DEF6: variants seen among roughly 807,000 people sequenced by gnomAD.
DEF6 encodes the protein DEF6 guanine nucleotide exchange factor.
Under a neutral mutation model 80.5 loss-of-function variants are expected in DEF6, and 32 were observed. The ratio of observed to expected loss-of-function variants is 0.40; its 90% CI spans 0.30 to 0.53. The LOEUF (loss-of-function observed/expected upper bound fraction) is 0.53, where lower values mean the gene tolerates loss of function less well. Ranked by LOEUF, DEF6 falls within the 20% of genes least tolerant of loss-of-function variation. DEF6 has a pLI of 0.57. For synonymous variants in DEF6, 300 were observed against 337.9 expected (o/e 0.89, Z 1.23); for missense variants, 575 against 818.7 (o/e 0.70, Z 3.63).
At chr6:35,308,263 G>A (rs2150386314) in intron 1 of DEF6, among the ~76,000 whole-genome samples, 1 of 152,168 alleles carries the variant, frequency 6.6e-6, no homozygotes. Flanking sequence ...GGGTGTAGTG[G>A]CTCATGCCTG....
chr6:35,310,901 A>T (rs747503910), intron 3 of DEF6, among the ~76,000 whole-genome samples: 2 of 152,196 alleles, frequency 1.3e-5, no homozygotes, highest in Non-Finnish European at 2.9e-5. Flanking sequence ...TAGGAAAATG[A>T]TCTGCAAATT....
intron 2 of DEF6, 103 bp downstream of exon 2, chr6:35,309,913 ACTC>A: frequency 3.6e-6 from 5 of 1,377,730 alleles, no homozygotes; most frequent in Non-Finnish European, 5.0e-6. Context: ...CCTGCCATAA[ACTC>A]CTACTTCTGC....
In DEF6 at chr6:35,310,551, C is replaced by T. The variant is rs1791454790; in HGVS notation, c.330C>T (p.Asn110=). The T allele has an allele frequency of 6.2e-7, 1 of 1,614,082 alleles. No individual in the cohort carries two copies. The highest frequency in any genetic ancestry group is 1.7e-5 in the Admixed American group (1 of 59,998). Reference sequence around the variant, plus strand: ...ACTATCGGGCAGATAGCAACGGGAACAGTATGCTCTCCAATCAGGATGCCT... The same window carrying T: ...ACTATCGGGCAGATAGCAACGGGAATAGTATGCTCTCCAATCAGGATGCCT... ...KKNYRADSNG[N]SMLSNQDAFR... The change falls in exon 3 of 11, where the codon AAC becomes AAT. Residue 110 remains asparagine, a synonymous_variant. Transcript: ENST00000316637.
Position 35,312,615 on chromosome 6 carries a change from C to T in DEF6, c.661-11C>T, listed in dbSNP as rs755415003. 1.9e-6 allele frequency: 3 copies of T among 1,614,208 alleles called. No individual in the cohort carries two copies. Among genetic ancestry groups the T allele is most frequent in the Admixed American group, 3.3e-5 (2 of 60,026 alleles). ...GGCCTGGGAAGCCTCTGACGTAACTCCGGCTGGCAGGGCTACCTGTGGAAG... is the reference window on the plus strand; with the variant it reads ...GGCCTGGGAAGCCTCTGACGTAACTTCGGCTGGCAGGGCTACCTGTGGAAG... On this transcript the variant is annotated splice_polypyrimidine_tract_variant and intron_variant, in intron 4 of 10. Transcript: ENST00000316637. This position sits in a 1 kb window ranked among gnomAD's most constrained non-coding sequence, Gnocchi z 6.6.
rs1791557671 is a variant in DEF6 at position 35,319,173 on chromosome 6, TTATTA to T, written c.1216-347_1216-343del. Among the ~76,000 whole-genome samples the T allele has an allele frequency of 6.6e-6, 1 of 151,842 alleles. No individual in the cohort carries two copies. The highest frequency in any genetic ancestry group is 1.5e-5 in the Non-Finnish European group (1 of 68,002). ...TAGCATCAGCCATGATTATAACATA[TTATTA>T]TATATTATAATAATTATTAAGTTAG... On this transcript the variant is annotated intron_variant, in intron 7 of 10. Transcript: ENST00000316637. The surrounding 1 kb of genome is among the most constrained non-coding windows in gnomAD (Gnocchi z 4.5).
rs149097143 is a variant in DEF6, at chr6:35,316,196, G to T, written c.808-1695G>T. On this transcript the variant is annotated intron_variant, in intron 5 of 10. Transcript: ENST00000316637. ...TTTTTTTTTTTTAAGAGAGAGACAG[G>T]ATCTCACTGTATTGCCCAGGCTGGT... 375 of 151,322 alleles carry T rather than the reference G, an allele frequency of 2.5e-3. 11 individuals are homozygous for T. The East Asian group carries it at 0.052, about 21-fold the overall frequency. The allele number at this position is 151,322 out of a possible 1,614,324, so 9.4% of individuals were successfully genotyped here.
rs1384806742 is a variant in DEF6, at chr6:35,312,932, G to A, written c.807+160G>A. Reference sequence around the variant, plus strand: ...ACCCAAATATATCCGGATGCCTCAAGGCCATTCTCATCCACGTCAGCACTT... The same window carrying A: ...ACCCAAATATATCCGGATGCCTCAAAGCCATTCTCATCCACGTCAGCACTT... On this transcript the variant is annotated intron_variant, in intron 5 of 10. Coordinates refer to ENST00000316637, the MANE Select transcript of DEF6 (RefSeq NM_022047.4). The surrounding 1 kb of genome is among the most constrained non-coding windows in gnomAD (Gnocchi z 6.6). 6.6e-6 allele frequency among the ~76,000 whole-genome samples: 1 copy of A among 152,124 alleles called. No homozygotes were observed. Among genetic ancestry groups the A allele is most frequent in the Non-Finnish European group, 1.5e-5 (1 of 68,036 alleles).
Position 35,319,817 on chromosome 6 carries a change from A to C in DEF6, c.1383-2A>C. 6.3e-7 allele frequency: 1 copy of C among 1,599,152 alleles called. No homozygotes were observed. ...GCTACACAGTACACACTCACCCGGC[A>C]GACTGCTGGAAGAGGAGGAAGAGAA... On this transcript the variant is annotated splice_acceptor_variant, in intron 8 of 10. Coordinates refer to ENST00000316637, the MANE Select transcript of DEF6 (RefSeq NM_022047.4). LOFTEE classifies it high-confidence loss of function. This position sits in a 1 kb window ranked among gnomAD's most constrained non-coding sequence, Gnocchi z 4.5.
chr6:35,311,446 C>T (rs181327917), intron 3 of DEF6, among the ~76,000 whole-genome samples: 4 of 152,262 alleles, frequency 2.6e-5, no homozygotes, highest in East Asian at 1.9e-4. Context: ...GGGAACCACC[C>T]GAGCCCTGAA....
intron 1 of DEF6, among the ~76,000 whole-genome samples, chr6:35,300,153 C>T (rs1026571053): frequency 2.0e-5 from 3 of 152,214 alleles, no homozygotes; most frequent in African/African-American, 7.2e-5. Context: ...TCCTGAGTAG[C>T]TGGGACTACA....
chr6:35,300,753 C>T (rs2150384434), intron 1 of DEF6, among the ~76,000 whole-genome samples: 1 of 152,218 alleles, frequency 6.6e-6, no homozygotes, highest in African/African-American at 2.4e-5. Flanking sequence ...TGCAAGGTTC[C>T]CAGAACCGCC....
intron 1 of DEF6, among the ~76,000 whole-genome samples, chr6:35,303,284 A>G (rs1028659949): frequency 1.2e-4 from 18 of 152,194 alleles, no homozygotes; most frequent in African/African-American, 4.1e-4. Context: ...CTAAGCTCAA[A>G]TAACTGTGCT....
Position 35,321,239 on chromosome 6 carries a change from T to C in DEF6, c.1725T>C (p.Leu575=), listed in dbSNP as rs759965578. ...SSFSGFQPPL[L]AHRDSSLKRL... is the part of the protein sequence containing the mutation. The stretch of plus-strand genomic sequence containing the variant: ...TCTCAGGCTTCCAGCCCCCTCTGCT[T>C]GCCCACCGTGACTCCTCCCTAAAGC... Residue 575 remains leucine (L), a synonymous_variant, in exon 11 of 11, where the codon CTT becomes CTC. Coordinates refer to ENST00000316637, the MANE Select transcript of DEF6 (RefSeq NM_022047.4). 1.2e-6 allele frequency: 2 copies of C among 1,613,348 alleles called. No homozygotes were observed. Among genetic ancestry groups the C allele is most frequent in the East Asian group, 4.5e-5 (2 of 44,864 alleles).
At chr6:35,316,886 C>T (rs1791530652) in intron 5 of DEF6, among the ~76,000 whole-genome samples, 1 of 152,198 alleles carries the variant, frequency 6.6e-6, no homozygotes, top group Non-Finnish European at 1.5e-5. Context: ...CTCCCTGACC[C>T]CAGCTCCTAG....
intron 1 of DEF6, among the ~76,000 whole-genome samples, chr6:35,308,047 A>G (rs954951310): frequency 3.3e-5 from 5 of 152,216 alleles, no homozygotes; most frequent in Non-Finnish European, 7.3e-5. Flanking sequence ...AGAGTTCACA[A>G]TCCAACGGAG....
chr6:35,318,034 T>A lies in DEF6; in HGVS notation c.916+35T>A. On this transcript the variant is annotated intron_variant, in intron 6 of 10. Transcript: ENST00000316637. This position sits in a 1 kb window ranked among gnomAD's most constrained non-coding sequence, Gnocchi z 5.1. The stretch of plus-strand genomic sequence containing the variant: ...CGCTAGGTGGCTTGGGTCTGGGTGG[T>A]CCTTAGGCGCCTCATCTGTGAAAAG... The A allele has an allele frequency of 6.3e-7, 1 of 1,590,300 alleles. No individual in the cohort carries two copies. Among genetic ancestry groups the A allele is most frequent in the Non-Finnish European group, 8.6e-7 (1 of 1,167,658 alleles).
Position 35,318,941 on chromosome 6 carries a change from G to A in DEF6, c.1215+470G>A, listed in dbSNP as rs967834618. ...TTAGGATTTAAGAAACCTGGATCTGGAGTCAGAAACACGTAGATTCAATCC... is the reference window on the plus strand; with the variant it reads ...TTAGGATTTAAGAAACCTGGATCTGAAGTCAGAAACACGTAGATTCAATCC... On this transcript the variant is annotated intron_variant, in intron 7 of 10. Transcript: ENST00000316637. This position sits in a 1 kb window ranked among gnomAD's most constrained non-coding sequence, Gnocchi z 5.1. 6.6e-6 allele frequency among the ~76,000 whole-genome samples: 1 copy of A among 152,124 alleles called. No homozygotes were observed. Among genetic ancestry groups the A allele is most frequent in the Non-Finnish European group, 1.5e-5 (1 of 68,026 alleles).
At chr6:35,317,592 T>C in intron 5 of DEF6, 1 of 253,656 alleles carries the variant, frequency 3.9e-6, no homozygotes, top group East Asian at 8.9e-5. Context: ...AGGACCCTGT[T>C]ACTGGCAGTG....
chr6:35,305,383 G>A (rs918724378), intron 1 of DEF6, among the ~76,000 whole-genome samples: 2 of 151,882 alleles, frequency 1.3e-5, no homozygotes, highest in Non-Finnish European at 2.9e-5. Context: ...CCAATTACTC[G>A]GGAGGTTGAA....
Sources: allele counts gnomAD v4.1 joint callset (sites outside exome capture counted in the v4.1 genomes callset), GRCh38; gene constraint gnomAD v4.1.1; non-coding constraint Gnocchi (gnomAD v3.1); transcripts MANE v1.5; gene names NCBI Gene and HGNC (gene_info 2026-07-23, HGNC 2026-07-21).